TRIOBP: variants seen among roughly 807,000 people sequenced by gnomAD.
The protein encoded by TRIOBP is TRIO and F-actin-binding protein.
A neutral mutation model predicts 238.8 loss-of-function variants in TRIOBP; 169 were observed. That is an observed-to-expected ratio of 0.71 (90% confidence interval 0.62 to 0.80). The LOEUF (loss-of-function observed/expected upper bound fraction) is 0.80. TRIOBP is among the 30% of genes least tolerant of loss of function. The probability of loss-of-function intolerance (pLI) is 0.00; values close to 1 mark genes in which losing one functional copy is unlikely to be tolerated. For missense variants in TRIOBP, 2,838 were observed against 3,122.6 expected, an observed-to-expected ratio of 0.91 and a Z score of 2.17; for synonymous variants, 1,150 against 1,274.4, an observed-to-expected ratio of 0.90 and a Z score of 2.08.
chr22:37,772,845 C>A, intron 23 of TRIOBP, 81 bp downstream of exon 23: 1 of 1,535,186 alleles, frequency 6.5e-7, no homozygotes, highest in Non-Finnish European at 8.8e-7. Flanking sequence ...ACCACCCCAG[C>A]CAGGCCACTT....
At chr22:37,765,510 G>A (rs987299201) in intron 17 of TRIOBP, among the ~76,000 whole-genome samples, 160 bp from the exon 18 acceptor site, 10 of 151,784 alleles carry the variant, frequency 6.6e-5, no homozygotes, top group Admixed American at 2.0e-4. Context: ...ATGAGGAGCC[G>A]TGGGGTGGGG....
At chr22:37,751,616 C>T (rs1569054633) in intron 11 of TRIOBP, 156 bp from the exon 12 acceptor site, 2 of 761,732 alleles carry the variant, frequency 2.6e-6, no homozygotes, top group Admixed American at 2.1e-5. Context: ...CCTGCTTGGA[C>T]TTGGGGGTTA....
chr22:37,734,702 CCTGGGGG>C lies in TRIOBP; in HGVS notation c.4371_4377del (p.Trp1459AspfsTer46), dbSNP rs781450973. ...GAGCAGCCAGGAGGGAGGCCTGGGC[CCTGGGGG>C]CTGGTGGGGATGTGGAGAGCCCAGC... On this transcript the variant is annotated frameshift_variant, in exon 9 of 24. Coordinates refer to ENST00000644935, the MANE Select transcript of TRIOBP (RefSeq NM_001039141.3). LOFTEE classifies it high-confidence loss of function. 3.1e-6 allele frequency: 5 copies of C among 1,607,364 alleles called. No homozygotes were observed. The South Asian group carries it at 5.5e-5, about 18-fold the overall frequency.
At chr22:37,771,811 C>A in intron 22 of TRIOBP, 75 bp downstream of exon 22, 1 of 1,333,582 alleles carries the variant, frequency 7.5e-7, no homozygotes, top group South Asian at 1.2e-5. Flanking sequence ...AGCACCTGCT[C>A]TGTGCCAAGC....
At chr22:37,700,912 G>A (rs994425520) in intron 2 of TRIOBP, among the ~76,000 whole-genome samples, 3 of 152,058 alleles carry the variant, frequency 2.0e-5, no homozygotes, top group Non-Finnish European at 2.9e-5. Context: ...GGCTGGTCTC[G>A]AACTCCTGAC....
In TRIOBP at chr22:37,701,415, T is replaced by A; in HGVS notation, c.50T>A (p.Ile17Lys). ...CTGTGTGAACACTTTGAGGCCAACA[T>A]ACTTACCCAGAACCGCTGTCAAAAC... ...DALCEHFEAN[I>K]LTQNRCQNCF... is the part of the protein sequence containing the mutation. The change falls in exon 3 of 24, where the codon ATA becomes AAA. Residue 17 changes from isoleucine to lysine, a missense_variant. Coordinates refer to ENST00000644935, the MANE Select transcript of TRIOBP (RefSeq NM_001039141.3). 2 of 1,613,884 alleles carry A rather than the reference T, an allele frequency of 1.2e-6. No homozygotes were observed. Among genetic ancestry groups the A allele is most frequent in the Non-Finnish European group, 1.7e-6 (2 of 1,179,954 alleles).
chr22:37,701,964 A>C (rs1922672995), intron 3 of TRIOBP, among the ~76,000 whole-genome samples: 1 of 152,028 alleles, frequency 6.6e-6, no homozygotes, highest in Non-Finnish European at 1.5e-5. Flanking sequence ...TTAGCTGGGC[A>C]TGGTGGTGCA....
intron 18 of TRIOBP, among the ~76,000 whole-genome samples, chr22:37,767,291 T>C (rs1040812966): frequency 4.5e-5 from 3 of 66,238 alleles, no homozygotes; most frequent in African/African-American, 1.3e-4. Context: ...GGTGACAGAG[T>C]GAGACTCTGT....
At chr22:37,716,047 T>A in intron 6 of TRIOBP, 113 bp downstream of exon 6, 1 of 1,084,006 alleles carries the variant, frequency 9.2e-7, no homozygotes, top group Non-Finnish European at 1.4e-6. Flanking sequence ...GCCTGAGTGT[T>A]AATAATAGTA....
intron 9 of TRIOBP, among the ~76,000 whole-genome samples, chr22:37,737,675 A>AAAG (rs1924739281): frequency 6.6e-6 from 1 of 151,408 alleles, no homozygotes; most frequent in Non-Finnish European, 1.5e-5. Flanking sequence ...AAAAAAAAAA[A>AAAG]AAAAATCCTT....
Position 37,734,647 on chromosome 22 carries a change from G to C in TRIOBP, c.4311G>C (p.Gln1437His). 6.3e-7 allele frequency: 1 copy of C among 1,594,224 alleles called. No homozygotes were observed. Among genetic ancestry groups the C allele is most frequent in the East Asian group, 2.3e-5 (1 of 43,860 alleles). The change falls in exon 9 of 24, where the codon CAG (glutamine) becomes CAC (histidine). Residue 1437 changes from glutamine (Q) to histidine (H), a missense_variant. Physicochemically the swap from Gln to His is conservative, Grantham distance 24. Around this residue, in one of 5 missense-constraint regions of TRIOBP, gnomAD observed 2,096 missense variants for 2,137.4 expected, o/e 0.98. Transcript: ENST00000644935. ...WQSQEEPPGS[Q>H]GPHRHLERSW... ...GTCAGGAGGAACCGCCAGGGTCCCA[G>C]GGCCCTCATAGACACCTAGAAAGGA...
At chr22:37,733,192 G>A (rs550440034) in intron 7 of TRIOBP, 106 bp from the exon 8 acceptor site, 2 of 867,314 alleles carry the variant, frequency 2.3e-6, no homozygotes, top group East Asian at 5.3e-5. Context: ...AGCTTGCAGT[G>A]GGTCCCTGGC....
intron 4 of TRIOBP, 45 bp downstream of exon 4, chr22:37,710,611 T>A (rs562633551): frequency 6.3e-7 from 1 of 1,585,810 alleles, no homozygotes; most frequent in African/African-American, 1.3e-5. Context: ...TGGGGTGGAA[T>A]GCCCTCACCC....
At chr22:37,752,796 T>G (rs1432914950) in intron 12 of TRIOBP, among the ~76,000 whole-genome samples, 1 of 152,060 alleles carries the variant, frequency 6.6e-6, no homozygotes, top group East Asian at 1.9e-4. Context: ...GAGCTGGCCA[T>G]TAGTCATCCT....
Position 37,734,382 on chromosome 22 carries a change from C to T in TRIOBP, c.4063-17C>T, listed in dbSNP as rs745578834. 16 of 1,610,520 alleles carry T rather than the reference C, an allele frequency of 9.9e-6. No homozygotes were observed. In the African/African-American group the frequency reaches 1.1e-4, roughly 11 times the overall value. ...CCCAGAGAGAGAGCCTCACCTACCC[C>T]CTCACCTCATCCCCAGGTGACCATG... On this transcript the variant is annotated splice_polypyrimidine_tract_variant and intron_variant, in intron 8 of 23. Transcript: ENST00000644935.
intron 7 of TRIOBP, among the ~76,000 whole-genome samples, chr22:37,728,138 A>G (rs973804487): frequency 1.3e-5 from 2 of 152,006 alleles, no homozygotes; most frequent in African/African-American, 4.8e-5. Context: ...AATCTGCATG[A>G]GAAACCTTAT....
rs774390233 is a variant in TRIOBP, at chr22:37,765,744, C to T, written c.6399C>T (p.His2133=). ...QQVMEELQRH[H]ERELQRLQQE... ...TGATGGAGGAGCTGCAGCGGCACCA[C>T]GAGCGGGAGCTGCAGCGCCTGCAGC... Residue 2133 remains histidine, a synonymous_variant, in exon 18 of 24, where the codon CAC becomes CAT. Transcript: ENST00000644935. 10 of 1,572,332 alleles carry T rather than the reference C, an allele frequency of 6.4e-6. No individual in the cohort carries two copies. In the East Asian group the frequency reaches 7.1e-5, roughly 11 times the overall value.
intron 11 of TRIOBP, among the ~76,000 whole-genome samples, 179 bp downstream of exon 11, chr22:37,741,211 G>T (rs1429785742): frequency 6.6e-6 from 1 of 152,206 alleles, no homozygotes; most frequent in African/African-American, 2.4e-5. Flanking sequence ...CTCAGCAAGC[G>T]AGTGGGTTTC....
chr22:37,764,825 C>G (rs1926404016), intron 17 of TRIOBP, among the ~76,000 whole-genome samples: 1 of 152,200 alleles, frequency 6.6e-6, no homozygotes, highest in Admixed American at 6.5e-5. Context: ...GGCCTAGACC[C>G]TGGGGACTGC....
Sources: allele counts gnomAD v4.1 joint callset (sites outside exome capture counted in the v4.1 genomes callset), GRCh38; gene constraint gnomAD v4.1.1; regional missense constraint gnomAD v4.1.1; transcripts MANE v1.5; gene names NCBI Gene and HGNC (gene_info 2026-07-23, HGNC 2026-07-21).